DOCK10: variants seen among roughly 807,000 people sequenced by gnomAD.
The protein encoded by DOCK10 is dedicator of cytokinesis 10, also known as dedicator of cytokinesis protein 10.
Under a neutral mutation model 280.1 loss-of-function variants are expected in DOCK10, and 145 were observed. That is an observed-to-expected ratio of 0.52 (90% CI 0.45 to 0.59). The LOEUF (loss-of-function observed/expected upper bound fraction) is 0.59, where lower values mean the gene tolerates loss of function less well. Among genes scored for constraint, DOCK10 ranks in the 20% least tolerant of loss-of-function variants. The pLI, the probability that DOCK10 is intolerant of heterozygous loss-of-function variation, is 0.00. For missense variants in DOCK10, 2,368 were observed against 2,651.7 expected, an observed-to-expected ratio of 0.89 and a Z score of 2.35; for synonymous variants, 915 against 942.2, an observed-to-expected ratio of 0.97 and a Z score of 0.53.
chr2:224,994,520 T>C (rs1261702828), intron 1 of DOCK10, among the ~76,000 whole-genome samples: 1 of 152,250 alleles, frequency 6.6e-6, no homozygotes, highest in African/African-American at 2.4e-5. Context: ...GCATTGAATA[T>C]GTGAGATGCA....
intron 28 of DOCK10, among the ~76,000 whole-genome samples, chr2:224,820,121 A>G (rs1694410304): frequency 1.3e-5 from 2 of 152,214 alleles, no homozygotes; most frequent in Admixed American, 6.5e-5. Flanking sequence ...CTTTTGACAG[A>G]GTAGCTCCTC....
At chr2:224,977,809 G>C (rs932284793) in intron 1 of DOCK10, among the ~76,000 whole-genome samples, 1 of 152,080 alleles carries the variant, frequency 6.6e-6, no homozygotes, top group Non-Finnish European at 1.5e-5. Context: ...GGACTATATA[G>C]GCTAGACTAC....
At chr2:224,931,287 G>C (rs1378058436) in intron 2 of DOCK10, among the ~76,000 whole-genome samples, 1 of 152,224 alleles carries the variant, frequency 6.6e-6, no homozygotes, top group African/African-American at 2.4e-5. Context: ...GACATTGGCA[G>C]GCACACGAGT....
chr2:224,927,782 A>T (rs556892306), intron 2 of DOCK10, among the ~76,000 whole-genome samples: 1 of 152,316 alleles, frequency 6.6e-6, no homozygotes, highest in Non-Finnish European at 1.5e-5. Flanking sequence ...TGGGTGCTGA[A>T]TAAATATTGA....
chr2:224,773,222 AAAGCTGATT>A lies in DOCK10; in HGVS notation c.6130_6138del (p.Asn2044_Leu2046del). ...ATCATGTCCACTTCTTCCATTGTGCAAAGCTGATTAAGCTCAGAAACCTTCTTGGACATC... is the reference window on the plus strand; with the variant it reads ...ATCATGTCCACTTCTTCCATTGTGCAAAGCTCAGAAACCTTCTTGGACATC... On this transcript the variant is annotated inframe_deletion, in exon 53 of 56. Transcript: ENST00000258390. 1.2e-6 allele frequency: 2 copies of A among 1,613,960 alleles called. No homozygotes were observed. Among genetic ancestry groups the A allele is most frequent in the Non-Finnish European group, 1.7e-6 (2 of 1,179,870 alleles).
intron 1 of DOCK10, among the ~76,000 whole-genome samples, chr2:224,989,471 G>A (rs757954855): frequency 1.2e-4 from 19 of 152,212 alleles, no homozygotes; most frequent in Non-Finnish European, 2.2e-4. Flanking sequence ...AATCATGTTG[G>A]ACTTTTTTTG....
intron 1 of DOCK10, among the ~76,000 whole-genome samples, chr2:224,984,817 T>C (rs1166590070): frequency 6.6e-6 from 1 of 151,574 alleles, no homozygotes; most frequent in Non-Finnish European, 1.5e-5. Context: ...AGGCCATGTT[T>C]CTGTCATATG....
At chr2:224,867,393 A>G (rs115346471) in intron 11 of DOCK10, among the ~76,000 whole-genome samples, 80 of 152,286 alleles carry the variant, frequency 5.3e-4, no homozygotes, top group African/African-American at 1.7e-3. Flanking sequence ...CTGTATCACA[A>G]CACACCCACG....
chr2:225,012,705 T>A (rs1354711063), intron 1 of DOCK10, among the ~76,000 whole-genome samples: 1 of 152,220 alleles, frequency 6.6e-6, no homozygotes, highest in Non-Finnish European at 1.5e-5. Flanking sequence ...ATAATAATGG[T>A]TAACAATTAT....
chr2:224,961,434 C>CTTTCTTTCTTTCTTTCT (rs1559873599), intron 1 of DOCK10, among the ~76,000 whole-genome samples: 6 of 126,890 alleles, frequency 4.7e-5, no homozygotes, highest in Non-Finnish European at 1.0e-4. Flanking sequence ...TTCTTTCTTT[C>CTTTCTTTCTTTCTTTCT]TTTCTTTCTT....
At chr2:224,983,557 C>T (rs985473873) in intron 1 of DOCK10, 1 of 294,036 alleles carries the variant, frequency 3.4e-6, no homozygotes, top group African/African-American at 2.2e-5. Context: ...GTGAAGGGTG[C>T]TGCAGGAAGT....
intron 4 of DOCK10, among the ~76,000 whole-genome samples, chr2:224,888,979 T>C (rs1422833405): frequency 6.6e-6 from 1 of 152,212 alleles, no homozygotes; most frequent in Non-Finnish European, 1.5e-5. Flanking sequence ...GAGGACACTA[T>C]GCTAAATGAA....
chr2:224,931,710 C>A (rs1483990696), intron 1 of DOCK10, 42 bp from the exon 2 acceptor site: 2 of 1,537,578 alleles, frequency 1.3e-6, no homozygotes, highest in South Asian at 1.2e-5. Flanking sequence ...TGACATACAC[C>A]ATCTCCCTTT....
chr2:224,869,293 A>T (rs1404207613), intron 11 of DOCK10, among the ~76,000 whole-genome samples: 2 of 152,224 alleles, frequency 1.3e-5, no homozygotes, highest in Non-Finnish European at 2.9e-5. Context: ...CTGACTAAAA[A>T]ATTACATGCT....
intron 1 of DOCK10, among the ~76,000 whole-genome samples, chr2:224,961,412 C>CTCTCTTTCTT (rs1553623605): frequency 3.4e-5 from 4 of 119,382 alleles, no homozygotes; most frequent in Non-Finnish European, 5.2e-5. Flanking sequence ...TTCTTTCTTT[C>CTCTCTTTCTT]TCTTTCTTTC....
intron 27 of DOCK10, among the ~76,000 whole-genome samples, chr2:224,830,127 C>T (rs971510860): frequency 1.3e-5 from 2 of 152,180 alleles, no homozygotes; most frequent in Non-Finnish European, 2.9e-5. Context: ...TCCTGGAGGC[C>T]GATGGCCTTC....
chr2:224,775,581 T>C (rs1690793187), intron 51 of DOCK10, among the ~76,000 whole-genome samples: 1 of 152,182 alleles, frequency 6.6e-6, no homozygotes, highest in South Asian at 2.1e-4. Context: ...GTTCAAGTGA[T>C]TTTCCTGCCT....
rs1575182709 is a variant in DOCK10, at chr2:225,042,457, C to T, written c.-83G>A. The T allele has an allele frequency of 1.6e-6, 2 of 1,217,772 alleles. No individual in the cohort carries two copies. Among genetic ancestry groups the T allele is most frequent in the Non-Finnish European group, 1.0e-6 (1 of 976,664 alleles). 75.4% of individuals were successfully genotyped at this position (1,217,772 alleles called of 1,614,324 possible). ...GCGCCAACCTTCTCTATCCACCCGCCGTTCAGGAAGCGGAACTCGGAGCCT... is the reference window on the plus strand; with the variant it reads ...GCGCCAACCTTCTCTATCCACCCGCTGTTCAGGAAGCGGAACTCGGAGCCT... On this transcript the variant is annotated 5_prime_UTR_variant, in exon 1 of 56. Coordinates refer to ENST00000258390, the MANE Select transcript of DOCK10 (RefSeq NM_014689.3). The surrounding 1 kb of genome is among the most constrained non-coding windows in gnomAD (Gnocchi z 5.1).
At chr2:224,908,756 C>T (rs1414486849) in intron 3 of DOCK10, among the ~76,000 whole-genome samples, 4 of 152,126 alleles carry the variant, frequency 2.6e-5, no homozygotes, top group African/African-American at 7.2e-5. Context: ...CTTGGCTTCC[C>T]AAAGTGCTGG....
Sources: gnomAD v4.1 joint callset for allele counts (sites outside exome capture counted in the v4.1 genomes callset) on GRCh38, gnomAD v4.1.1 for gene constraint, Gnocchi (gnomAD v3.1) non-coding constraint, MANE v1.5 for transcripts, NCBI Gene and HGNC (gene_info 2026-07-23, HGNC 2026-07-21) for gene names.